GLYATL3: variants seen among roughly 807,000 people sequenced by gnomAD.
The protein encoded by GLYATL3 is glycine N-acyltransferase-like protein 3.
GLYATL3 carries 31 observed loss-of-function variants against 28.5 expected under a neutral mutation model. That is an observed-to-expected ratio of 1.09 (90% CI 0.82 to 1.47). The LOEUF (loss-of-function observed/expected upper bound fraction) is 1.47, where lower values mean the gene tolerates loss of function less well. GLYATL3 is among the 40% of genes most tolerant of loss of function. The pLI is 0.00. For missense variants in GLYATL3, 369 were observed against 351.5 expected (o/e 1.05, Z -0.40); for synonymous variants, 141 against 140.2 (o/e 1.01, Z -0.04).
intron 1 of GLYATL3, among the ~76,000 whole-genome samples, chr6:49,507,995 G>A (rs1013220044): frequency 6.6e-6 from 1 of 152,114 alleles, no homozygotes; most frequent in Admixed American, 6.6e-5. Context: ...ACAGAGATAA[G>A]AATTTACAAT....
At chr6:49,515,499 C>T (rs1018757416) in intron 2 of GLYATL3, among the ~76,000 whole-genome samples, 154 bp from the exon 3 acceptor site, 5 of 152,104 alleles carry the variant, frequency 3.3e-5, no homozygotes, top group South Asian at 2.1e-4. Flanking sequence ...AATTAATATA[C>T]GTGTCTATTA....
chr6:49,527,152 C>T lies in GLYATL3; in HGVS notation c.*238C>T. 1 of 480,338 alleles carries T rather than the reference C, an allele frequency of 2.1e-6. No homozygotes were observed. The highest frequency in any genetic ancestry group is 3.2e-5 in the East Asian group (1 of 30,910). The allele number at this position is 480,338 out of a possible 1,614,324, so 29.8% of individuals were successfully genotyped here. On this transcript the variant is annotated 3_prime_UTR_variant, in exon 6 of 6. Coordinates refer to ENST00000371197, the MANE Select transcript of GLYATL3 (RefSeq NM_001010904.2). ...CTGAAGACTGAGGACGATTGTCCTC[C>T]TGTAGGATCCACTGTAGGAGAATAG...
intron 5 of GLYATL3, 24 bp from the exon 6 acceptor site, chr6:49,526,464 T>C: frequency 6.5e-7 from 1 of 1,541,976 alleles, no homozygotes; most frequent in Non-Finnish European, 8.8e-7. Context: ...AGGTCCTATT[T>C]GTTTTTGTGT....
Position 49,526,601 on chromosome 6 carries a change from T to C in GLYATL3, c.554T>C (p.Ile185Thr), listed in dbSNP as rs779297770. 3.2e-6 allele frequency: 5 copies of C among 1,551,876 alleles called. No homozygotes were observed. In the South Asian group the frequency reaches 5.9e-5, roughly 18 times the overall value. The part of the protein sequence containing the change: ...EQCLRYIANL[I>T]SCFPSVCVRD... ...TGTCTCCGGTACATCGCCAACCTCATCTCCTGCTTCCCTAGTGTGTGTGTC... is the reference window on the plus strand; with the variant it reads ...TGTCTCCGGTACATCGCCAACCTCACCTCCTGCTTCCCTAGTGTGTGTGTC... The change falls in exon 6 of 6, where the codon ATC (isoleucine) becomes ACC (threonine). Residue 185 changes from isoleucine (I) to threonine (T), a missense_variant. Coordinates refer to ENST00000371197, the MANE Select transcript of GLYATL3 (RefSeq NM_001010904.2).
intron 1 of GLYATL3, among the ~76,000 whole-genome samples, chr6:49,511,370 T>C (rs1259319751): frequency 6.6e-6 from 1 of 152,222 alleles, no homozygotes; most frequent in Non-Finnish European, 1.5e-5. Context: ...TTCTGATTCT[T>C]CATCTTCAAT....
At chr6:49,520,746 T>A (rs1469697486) in intron 4 of GLYATL3, among the ~76,000 whole-genome samples, 3 of 152,162 alleles carry the variant, frequency 2.0e-5, no homozygotes, top group Non-Finnish European at 4.4e-5. Context: ...CCAGGCATGG[T>A]GGATTATGCC....
chr6:49,512,227 T>C (rs1330334561), intron 2 of GLYATL3, among the ~76,000 whole-genome samples, 159 bp downstream of exon 2: 3 of 151,808 alleles, frequency 2.0e-5, no homozygotes, highest in Non-Finnish European at 4.4e-5. Context: ...AGAGACAGAT[T>C]GAATAGACTG....
In GLYATL3 at chr6:49,526,892, T is replaced by A; in HGVS notation, c.845T>A (p.Phe282Tyr). The stretch of plus-strand genomic sequence containing the variant: ...AGGCTTATTCTCACCCCTGCGACTT[T>A]CTCTGGCCTGCCTCACCTCTAGCCC... ...FHRLILTPAT[F>Y]SGLPHL The change falls in exon 6 of 6, where the codon TTC becomes TAC. Residue 282 changes from phenylalanine (F) to tyrosine (Y), a missense_variant. Coordinates refer to ENST00000371197, the MANE Select transcript of GLYATL3 (RefSeq NM_001010904.2). 6.5e-7 allele frequency: 1 copy of A among 1,536,086 alleles called. No individual in the cohort carries two copies. Among genetic ancestry groups the A allele is most frequent in the Non-Finnish European group, 8.8e-7 (1 of 1,137,168 alleles).
intron 4 of GLYATL3, among the ~76,000 whole-genome samples, chr6:49,521,336 G>C (rs1469021182): frequency 2.0e-5 from 3 of 152,124 alleles, no homozygotes; most frequent in Admixed American, 6.5e-5. Context: ...GTTAGTCCGA[G>C]AGTCCAAAGT....
At chr6:49,509,949 T>TC (rs1769084562) in intron 1 of GLYATL3, among the ~76,000 whole-genome samples, 2 of 32,632 alleles carry the variant, frequency 6.1e-5, no homozygotes, top group Admixed American at 4.0e-4. Context: ...ATTTTCTTTC[T>TC]CTTTCTTTCT....
intron 2 of GLYATL3, among the ~76,000 whole-genome samples, chr6:49,514,073 TTTAA>T (rs1205953079): frequency 6.6e-6 from 1 of 152,198 alleles, no homozygotes; most frequent in African/African-American, 2.4e-5. Context: ...AATTATGAAA[TTTAA>T]TTAATGAATT....
intron 1 of GLYATL3, among the ~76,000 whole-genome samples, chr6:49,507,725 C>T (rs1033345796): frequency 6.6e-6 from 1 of 152,142 alleles, no homozygotes; most frequent in African/African-American, 2.4e-5. Context: ...ATGGGACTCT[C>T]TCTTTGTTCC....
chr6:49,503,628 A>C (rs1346110758), intron 1 of GLYATL3, among the ~76,000 whole-genome samples: 1 of 152,256 alleles, frequency 6.6e-6, no homozygotes, highest in East Asian at 1.9e-4. Flanking sequence ...ATTAAATAAC[A>C]CACTCCTTCT....
intron 1 of GLYATL3, among the ~76,000 whole-genome samples, chr6:49,508,688 C>T (rs961858452): frequency 2.0e-5 from 3 of 152,228 alleles, no homozygotes; most frequent in Admixed American, 1.3e-4. Context: ...TTCATAGGCT[C>T]TCTGCAGGGG....
chr6:49,521,756 C>T lies in GLYATL3; in HGVS notation c.425C>T (p.Pro142Leu). ...CATTTTTCTCCTGTTTCATCTCTGC[C>T]AGATACCAGTTTCCTGTATGTAAAC... ...AVHFSPVSSLPDTSFLKGPSP... is the reference protein window; with the variant it reads ...AVHFSPVSSLLDTSFLKGPSP... The change falls in exon 5 of 6, where the codon CCA (proline) becomes CTA (leucine). Residue 142 changes from proline (P) to leucine (L), a missense_variant. Pro to Leu is a moderately conservative substitution (Grantham distance 98). Coordinates refer to ENST00000371197, the MANE Select transcript of GLYATL3 (RefSeq NM_001010904.2). 6.4e-7 allele frequency: 1 copy of T among 1,551,382 alleles called. No homozygotes were observed.
intron 1 of GLYATL3, among the ~76,000 whole-genome samples, chr6:49,506,351 A>G (rs1431827063): frequency 6.6e-6 from 1 of 152,230 alleles, no homozygotes; most frequent in Non-Finnish European, 1.5e-5. Context: ...AAAGTCTGTC[A>G]GATAGGTTGT....
intron 1 of GLYATL3, among the ~76,000 whole-genome samples, chr6:49,501,226 C>A (rs1768907210): frequency 6.6e-6 from 1 of 150,984 alleles, no homozygotes; most frequent in Non-Finnish European, 1.5e-5. Context: ...ATGGTGAAAC[C>A]CCCCATCTCT....
At position 49,525,012 on chromosome 6, in the gene GLYATL3, TGCACA is replaced by T. The variant is rs546264699; in HGVS notation, c.441-1475_441-1471del. On this transcript the variant is annotated intron_variant, in intron 5 of 5. Transcript: ENST00000371197. Reference sequence around the variant, plus strand: ...AAAAAGAACAAACATTTCTAAAGCATGCACATATGCTTGGCATATTAAGAGATTTT... The same window carrying T: ...AAAAAGAACAAACATTTCTAAAGCATTATGCTTGGCATATTAAGAGATTTT... 3.0e-3 allele frequency among the ~76,000 whole-genome samples: 438 copies of T among 146,608 alleles called. 5 individuals are homozygous for T. The highest frequency in any genetic ancestry group is 0.01 in the African/African-American group (413 of 39,784).
intron 1 of GLYATL3, among the ~76,000 whole-genome samples, chr6:49,511,433 T>C (rs1259833626): frequency 6.6e-6 from 1 of 152,190 alleles, no homozygotes; most frequent in African/African-American, 2.4e-5. Context: ...ACTCAAGTCT[T>C]TCTCTAGTCT....
Sources: allele counts gnomAD v4.1 joint callset (sites outside exome capture counted in the v4.1 genomes callset), GRCh38; gene constraint gnomAD v4.1.1; transcripts MANE v1.5; gene names NCBI Gene and HGNC (gene_info 2026-07-23, HGNC 2026-07-21).